Variants in NALF1 observed in about 807,000 individuals in gnomAD.
NALF1 encodes the protein NALCN channel auxiliary factor 1, also known as family with sequence similarity 155 member A.
Under a neutral mutation model 48.4 loss-of-function variants are expected in NALF1, and 3 were observed. That is an observed-to-expected ratio of 0.06 (90% CI 0.03 to 0.16). NALF1 has a LOEUF of 0.16. Among genes scored for constraint, NALF1 ranks in the 10% least tolerant of loss-of-function variants. The pLI, the probability that NALF1 is intolerant of heterozygous loss-of-function variation, is 1.00. For synonymous variants in NALF1, 262 were observed against 245.7 expected (o/e 1.07, Z -0.62); for missense variants, 526 against 571.5 (o/e 0.92, Z 0.81).
chr13:107,720,686 G>T (rs1430824945), intron 1 of NALF1, among the ~76,000 whole-genome samples: 1 of 152,050 alleles, frequency 6.6e-6, no homozygotes, highest in Non-Finnish European at 1.5e-5. Context: ...CTTAGCTAGG[G>T]AACCAGATAG....
intron 1 of NALF1, among the ~76,000 whole-genome samples, chr13:107,587,763 AT>A (rs989603525): frequency 3.3e-5 from 5 of 152,112 alleles, no homozygotes; most frequent in Non-Finnish European, 5.9e-5. Flanking sequence ...CTAACTTATT[AT>A]TTTTTTATTA....
intron 1 of NALF1, among the ~76,000 whole-genome samples, chr13:107,674,961 A>C (rs532060480): frequency 3.9e-5 from 6 of 152,246 alleles, no homozygotes; most frequent in Admixed American, 1.3e-4. Context: ...CTCAATGAGG[A>C]GGCTAAGAAG....
chr13:107,526,574 C>T (rs1337814256), intron 1 of NALF1, among the ~76,000 whole-genome samples: 2 of 152,090 alleles, frequency 1.3e-5, no homozygotes, highest in Non-Finnish European at 2.9e-5. Context: ...AATAAGGTTA[C>T]TGTAGAAGGA....
intron 1 of NALF1, among the ~76,000 whole-genome samples, chr13:107,808,413 C>T (rs763599319): frequency 7.9e-5 from 12 of 151,976 alleles, no homozygotes; most frequent in Admixed American, 2.0e-4. Context: ...TAGTTTTTTG[C>T]ACATTTTTCC....
At chr13:107,739,359 AATAT>A (rs1490630733) in intron 1 of NALF1, among the ~76,000 whole-genome samples, 2 of 148,380 alleles carry the variant, frequency 1.3e-5, no homozygotes, top group Non-Finnish European at 3.0e-5. Context: ...TTTCATATAT[AATAT>A]ATAAATATAT....
At chr13:107,746,936 A>T (rs997678217) in intron 1 of NALF1, among the ~76,000 whole-genome samples, 5 of 152,194 alleles carry the variant, frequency 3.3e-5, no homozygotes, top group African/African-American at 1.2e-4. Context: ...TGAAGCTGTA[A>T]AACTCTTAGA....
rs553371983 is a variant in NALF1, at chr13:107,682,339, C to T, written c.915+183343G>A. Among the ~76,000 whole-genome samples the T allele has an allele frequency of 1.2e-4, 18 of 152,278 alleles. No homozygotes were observed. The East Asian group carries it at 3.5e-3, about 29-fold the overall frequency. On this transcript the variant is annotated intron_variant, in intron 1 of 2. Transcript: ENST00000375915. ...GAATCTGCCCTGCTTGCTCTCTGGC[C>T]CGCCTTGGGACTCACGGCCCACCCT...
chr13:107,342,405 A>G (rs1198368850), intron 1 of NALF1, among the ~76,000 whole-genome samples: 2 of 152,214 alleles, frequency 1.3e-5, no homozygotes, highest in African/African-American at 2.4e-5. Context: ...GTTACAAAAC[A>G]TGAAAAATGC....
chr13:107,669,658 G>A (rs1423036455), intron 1 of NALF1, among the ~76,000 whole-genome samples: 9 of 152,120 alleles, frequency 5.9e-5, no homozygotes, highest in Non-Finnish European at 1.3e-4. Flanking sequence ...AACCGCATGA[G>A]AGCATATTTT....
At chr13:107,644,256 G>T (rs1369350277) in intron 1 of NALF1, among the ~76,000 whole-genome samples, 1 of 151,936 alleles carries the variant, frequency 6.6e-6, no homozygotes, top group East Asian at 1.9e-4. Context: ...ACACAGTTGT[G>T]TGATAGCTTC....
At chr13:107,654,790 G>A (rs1487115109) in intron 1 of NALF1, among the ~76,000 whole-genome samples, 1 of 151,918 alleles carries the variant, frequency 6.6e-6, no homozygotes, top group African/African-American at 2.4e-5. Flanking sequence ...TATCAAAAAG[G>A]TAATCTACCA....
At chr13:107,351,592 C>T (rs534288106) in intron 1 of NALF1, among the ~76,000 whole-genome samples, 2 of 152,304 alleles carry the variant, frequency 1.3e-5, no homozygotes, top group Admixed American at 6.5e-5. Context: ...AACCAATGAA[C>T]TCTGTTTCTA....
intron 1 of NALF1, among the ~76,000 whole-genome samples, chr13:107,693,498 A>G (rs1881621725): frequency 1.3e-5 from 2 of 152,026 alleles, no homozygotes; most frequent in Admixed American, 1.3e-4. Context: ...AAAACAGTAT[A>G]CTTCTGGAAT....
At chr13:107,792,711 T>C (rs1453111555) in intron 1 of NALF1, among the ~76,000 whole-genome samples, 1 of 152,250 alleles carries the variant, frequency 6.6e-6, no homozygotes, top group African/African-American at 2.4e-5. Flanking sequence ...GAAACACTTA[T>C]GTAACAGTCA....
chr13:107,710,340 T>C (rs571120307), intron 1 of NALF1, among the ~76,000 whole-genome samples: 51 of 152,196 alleles, frequency 3.4e-4, no homozygotes, highest in South Asian at 4.2e-4. Context: ...TGCTAAGAAA[T>C]TCATATACCA....
chr13:107,694,217 G>A (rs1881645115), intron 1 of NALF1, among the ~76,000 whole-genome samples: 1 of 152,180 alleles, frequency 6.6e-6, no homozygotes, highest in African/African-American at 2.4e-5. Context: ...CAAGTAAGGA[G>A]TTTCTCAGCC....
At chr13:107,559,570 C>T (rs932650689) in intron 1 of NALF1, among the ~76,000 whole-genome samples, 4 of 152,142 alleles carry the variant, frequency 2.6e-5, no homozygotes, top group Non-Finnish European at 4.4e-5. Context: ...AGGTTGTATA[C>T]GGTGTCCCTG....
chr13:107,617,925 C>T (rs1879423664), intron 1 of NALF1, among the ~76,000 whole-genome samples: 1 of 152,090 alleles, frequency 6.6e-6, no homozygotes, highest in South Asian at 2.1e-4. Context: ...CTTGGAATTG[C>T]TTTATAACTA....
At chr13:107,602,562 C>T (rs772068604) in intron 1 of NALF1, among the ~76,000 whole-genome samples, 1 of 152,198 alleles carries the variant, frequency 6.6e-6, no homozygotes, top group Non-Finnish European at 1.5e-5. Context: ...GTATTTATAT[C>T]ATGGTGACAT....
Sources: gnomAD v4.1 joint callset for allele counts (sites outside exome capture counted in the v4.1 genomes callset) on GRCh38, gnomAD v4.1.1 for gene constraint, MANE v1.5 for transcripts, NCBI Gene and HGNC (gene_info 2026-07-23, HGNC 2026-07-21) for gene names.